EPX: variants seen among roughly 807,000 people sequenced by gnomAD.
The protein encoded by EPX is eosinophil peroxidase.
In EPX, 60 loss-of-function variants were observed where a neutral mutation model predicts 73.0. That is an observed-to-expected ratio of 0.82 (90% confidence interval 0.67 to 1.02). The LOEUF is 1.02. Ranked by LOEUF, EPX falls within the 50% of genes least tolerant of loss-of-function variation. The pLI, the probability that EPX is intolerant of heterozygous loss-of-function variation, is 0.00. For missense variants in EPX, 950 were observed against 973.9 expected, an observed-to-expected ratio of 0.98 and a Z score of 0.33; for synonymous variants, 347 against 389.2, an observed-to-expected ratio of 0.89 and a Z score of 1.28.
Position 58,199,167 on chromosome 17 carries a change from T to A in EPX, c.1248T>A (p.Asn416Lys). The part of the protein sequence containing the change: ...NPRWNGDKLY[N>K]EARKIMGAMV... ...GGTGGAATGGAGACAAACTGTACAA[T>A]GAGGCTCGGAAGATCATGGGGGCCA... is the stretch of plus-strand genomic sequence containing the variant. Residue 416 changes from asparagine to lysine, a missense_variant, in exon 8 of 13, where the codon AAT (asparagine) becomes AAA (lysine). Transcript: ENST00000225371. 1 of 1,613,990 alleles carries A rather than the reference T, an allele frequency of 6.2e-7. No homozygotes were observed. The highest frequency in any genetic ancestry group is 1.1e-5 in the South Asian group (1 of 91,066).
chr17:58,194,021 T>C lies in EPX; in HGVS notation c.523T>C (p.Tyr175His). Residue 175 changes from tyrosine (Y) to histidine (H), a missense_variant, in exon 5 of 13, where the codon TAT becomes CAT. Transcript: ENST00000225371. ...QALARWLPAE[Y>H]EDGLSLPFGW... ...TCTGGCTCGCTGGCTGCCCGCCGAG[T>C]ATGAGGATGGGCTGTCGCTCCCCTT... is the stretch of plus-strand genomic sequence containing the variant. 2 of 1,613,104 alleles carry C rather than the reference T, an allele frequency of 1.2e-6. No individual in the cohort carries two copies. The highest frequency in any genetic ancestry group is 1.3e-5 in the African/African-American group (1 of 74,996).
chr17:58,195,629 A>G (rs960251360), intron 6 of EPX, among the ~76,000 whole-genome samples: 3 of 152,166 alleles, frequency 2.0e-5, no homozygotes, highest in Non-Finnish European at 2.9e-5. Context: ...AGGGGAGGAA[A>G]GATAGAATCC....
At position 58,197,257 on chromosome 17, in the gene EPX, G is replaced by A; in HGVS notation, c.1120G>A (p.Gly374Ser). Reference protein sequence around the residue: ...RSARIPCFLAGDTRSTETPKL... With the variant: ...RSARIPCFLASDTRSTETPKL... ...GGCGCGCATCCCCTGCTTCCTGGCA[G>A]GTCAGACAGGGAGGAAGGTGGTGTC... Residue 374 changes from glycine to serine, a missense_variant and splice_region_variant, in exon 7 of 13, where the codon GGT becomes AGT. Coordinates refer to ENST00000225371, the MANE Select transcript of EPX (RefSeq NM_000502.6). The A allele has an allele frequency of 6.2e-7, 1 of 1,610,830 alleles. No homozygotes were observed. Among genetic ancestry groups the A allele is most frequent in the Non-Finnish European group, 8.5e-7 (1 of 1,180,014 alleles).
At position 58,195,066 on chromosome 17, in the gene EPX, C is replaced by G. The variant is rs1248155339; in HGVS notation, c.697C>G (p.His233Asp). ...CATGCAGTGGGGCCAGTTCATTGAC[C>G]ATGACCTGGACTTCTCCCCGGAGTC... is the stretch of plus-strand genomic sequence containing the variant. ...MFMQWGQFID[H>D]DLDFSPESPA... The change falls in exon 6 of 13, where the codon CAT becomes GAT. Residue 233 changes from histidine (H) to aspartate (D), a missense_variant. Physicochemically the swap from His to Asp is moderately conservative, Grantham distance 81. Coordinates refer to ENST00000225371, the MANE Select transcript of EPX (RefSeq NM_000502.6). 5.0e-6 allele frequency: 8 copies of G among 1,613,398 alleles called. No individual in the cohort carries two copies. Among genetic ancestry groups the G allele is most frequent in the African/African-American group, 1.3e-5 (1 of 74,910 alleles).
At chr17:58,200,730 C>T (rs536892440) in intron 10 of EPX, among the ~76,000 whole-genome samples, 1 of 152,308 alleles carries the variant, frequency 6.6e-6, no homozygotes, top group East Asian at 1.9e-4. Flanking sequence ...CCATTCCCAA[C>T]ACGCTGGCAA....
chr17:58,194,022 A>T lies in EPX; in HGVS notation c.524A>T (p.Tyr175Phe), dbSNP rs372501481. Residue 175 changes from tyrosine (Y) to phenylalanine (F), a missense_variant, in exon 5 of 13, where the codon TAT becomes TTT. Transcript: ENST00000225371. Reference protein sequence around the residue: ...QALARWLPAEYEDGLSLPFGW... With the variant: ...QALARWLPAEFEDGLSLPFGW... ...CTGGCTCGCTGGCTGCCCGCCGAGTATGAGGATGGGCTGTCGCTCCCCTTC... is the reference window on the plus strand; with the variant it reads ...CTGGCTCGCTGGCTGCCCGCCGAGTTTGAGGATGGGCTGTCGCTCCCCTTC... 1.2e-6 allele frequency: 2 copies of T among 1,613,306 alleles called. No individual in the cohort carries two copies. The highest frequency in any genetic ancestry group is 1.7e-5 in the Admixed American group (1 of 60,026).
chr17:58,203,927 G>A (rs1394547204), intron 11 of EPX, among the ~76,000 whole-genome samples: 4 of 59,942 alleles, frequency 6.7e-5, no homozygotes, highest in Non-Finnish European at 1.1e-4. Context: ...GCGAGACTCC[G>A]TCTCAAAAAA....
rs750636436 is a variant in EPX, at chr17:58,199,193, T to C, written c.1274T>C (p.Met425Thr). 10 of 1,613,996 alleles carry C rather than the reference T, an allele frequency of 6.2e-6. No individual in the cohort carries two copies. The highest frequency in any genetic ancestry group is 2.2e-5 in the South Asian group (2 of 91,070). Residue 425 changes from methionine to threonine, a missense_variant, in exon 8 of 13, where the codon ATG (methionine) becomes ACG (threonine). Coordinates refer to ENST00000225371, the MANE Select transcript of EPX (RefSeq NM_000502.6). ...YNEARKIMGA[M>T]VQIITYRDFL... ...GAGGCTCGGAAGATCATGGGGGCCA[T>C]GGTCCAGGTAAGGAGCTCTGCATCC...
Position 58,192,941 on chromosome 17 carries a change from G to A in EPX, c.76+19G>A, listed in dbSNP as rs1968196080. 6.2e-7 allele frequency: 1 copy of A among 1,612,304 alleles called. No homozygotes were observed. The highest frequency in any genetic ancestry group is 8.5e-7 in the Non-Finnish European group (1 of 1,178,422). On this transcript the variant is annotated intron_variant, in intron 1 of 12. Transcript: ENST00000225371. ...GACCCAGGTAATAGTCCCCTAGACA[G>A]GCAAGGAGGAGGGAGGGGAAATGGA...
chr17:58,198,259 A>C (rs1169866580), intron 7 of EPX, among the ~76,000 whole-genome samples: 1 of 152,218 alleles, frequency 6.6e-6, no homozygotes, highest in Non-Finnish European at 1.5e-5. Flanking sequence ...TGCGCCCAAG[A>C]GCACAGAGTT....
chr17:58,197,886 AGTG>A (rs1968284712), intron 7 of EPX, among the ~76,000 whole-genome samples: 3 of 152,124 alleles, frequency 2.0e-5, no homozygotes, highest in African/African-American at 7.2e-5. Flanking sequence ...CCCAGGCTGG[AGTG>A]CAGTGGCGTG....
At chr17:58,200,924 C>T (rs919687876) in intron 10 of EPX, among the ~76,000 whole-genome samples, 1 of 152,174 alleles carries the variant, frequency 6.6e-6, no homozygotes, top group Admixed American at 6.5e-5. Flanking sequence ...TTGTTAGTCA[C>T]TTTCATGTAT....
Position 58,204,389 on chromosome 17 carries a change from C to G in EPX, c.2114C>G (p.Pro705Arg). The change falls in exon 12 of 13, where the codon CCC (proline) becomes CGC (arginine). Residue 705 changes from proline to arginine, a missense_variant. Transcript: ENST00000225371. ...PRGFVNCSRI[P>R]RLNLSAWRGT ...GGCTTTGTGAACTGCAGCCGTATCC[C>G]CAGGTTGAACCTATCAGCCTGGCGA... 6.2e-7 allele frequency: 1 copy of G among 1,614,116 alleles called. No homozygotes were observed. Among genetic ancestry groups the G allele is most frequent in the African/African-American group, 1.3e-5 (1 of 75,044 alleles).
chr17:58,200,310 G>A lies in EPX; in HGVS notation c.1623G>A (p.Arg541=), dbSNP rs748258687. The part of the protein sequence containing the change: ...RQDAMLVDEL[R]DRLFRQVRRI... ...ATGCCATGTTAGTGGATGAGCTCCG[G>A]GACCGGCTGTTTCGGCAAGTGAGGA... Residue 541 remains arginine, a synonymous_variant, in exon 10 of 13, where the codon CGG becomes CGA. Coordinates refer to ENST00000225371, the MANE Select transcript of EPX (RefSeq NM_000502.6). The A allele has an allele frequency of 1.9e-6, 3 of 1,614,216 alleles. No individual in the cohort carries two copies. Among genetic ancestry groups the A allele is most frequent in the Non-Finnish European group, 2.5e-6 (3 of 1,180,030 alleles).
In EPX at chr17:58,193,722, A is replaced by G. The variant is rs1314621425; in HGVS notation, c.355A>G (p.Thr119Ala). ...CATTTGCCTTCCCACAGATGTGCTA[A>G]CAGAACCACAGCTGCGGCTGCTGTC... ...SGPFNVTDVL[T>A]EPQLRLLSQA... The change falls in exon 4 of 13, where the codon ACA (threonine) becomes GCA (alanine). Residue 119 changes from threonine to alanine, a missense_variant. Coordinates refer to ENST00000225371, the MANE Select transcript of EPX (RefSeq NM_000502.6). 2 of 1,611,434 alleles carry G rather than the reference A, an allele frequency of 1.2e-6. No homozygotes were observed. Among genetic ancestry groups the G allele is most frequent in the East Asian group, 2.2e-5 (1 of 44,860 alleles).
intron 1 of EPX, 49 bp downstream of exon 1, chr17:58,192,971 G>C (rs765432125): frequency 1.2e-6 from 2 of 1,600,782 alleles, no homozygotes; most frequent in Non-Finnish European, 1.7e-6. Flanking sequence ...AATGGAAGGG[G>C]AAGCACTTGG....
In EPX at chr17:58,193,840, G is replaced by C. The variant is rs148221455; in HGVS notation, c.464+9G>C. 5 of 1,606,894 alleles carry C rather than the reference G, an allele frequency of 3.1e-6. No individual in the cohort carries two copies. The highest frequency in any genetic ancestry group is 4.3e-6 in the Non-Finnish European group (5 of 1,173,736). On this transcript the variant is annotated intron_variant, in intron 4 of 12. Coordinates refer to ENST00000225371, the MANE Select transcript of EPX (RefSeq NM_000502.6). ...GGACGGTGCAACAACAAGTGCGTGC[G>C]GGGCGGCAGGAGGGGCTGCCCCTGC...
Position 58,193,088 on chromosome 17 carries a change from G to T in EPX, c.127G>T (p.Ala43Ser). The T allele has an allele frequency of 6.2e-7, 1 of 1,613,694 alleles. No homozygotes were observed. The highest frequency in any genetic ancestry group is 8.5e-7 in the Non-Finnish European group (1 of 1,179,562). ...TSVLRDCIAEAKLLVDAAYNW... is the reference protein window; with the variant it reads ...TSVLRDCIAESKLLVDAAYNW... The stretch of plus-strand genomic sequence containing the variant: ...GGTCCTGCGAGACTGCATAGCAGAG[G>T]CCAAGTTGCTGGTGGATGCTGCCTA... The change falls in exon 2 of 13, where the codon GCC (alanine) becomes TCC (serine). Residue 43 changes from alanine (A) to serine (S), a missense_variant. Ala to Ser is a moderately conservative substitution (Grantham distance 99, BLOSUM62 1). Coordinates refer to ENST00000225371, the MANE Select transcript of EPX (RefSeq NM_000502.6).
Position 58,192,745 on chromosome 17 carries a change from G to C in EPX, c.-102G>C. ...TCCAGAGAAGAGCTGGAGGAAGTGAGAGGTCGGCTGGGGGTCCTCAAAGTG... is the reference window on the plus strand; with the variant it reads ...TCCAGAGAAGAGCTGGAGGAAGTGACAGGTCGGCTGGGGGTCCTCAAAGTG... On this transcript the variant is annotated 5_prime_UTR_variant, in exon 1 of 13. Transcript: ENST00000225371. The C allele has an allele frequency of 1.0e-6, 1 of 966,194 alleles. No individual in the cohort carries two copies. Among genetic ancestry groups the C allele is most frequent in the South Asian group, 1.4e-5 (1 of 72,804 alleles). The allele number at this position is 966,194 out of a possible 1,614,324, so 59.9% of individuals were successfully genotyped here.
Sources: allele counts gnomAD v4.1 joint callset (sites outside exome capture counted in the v4.1 genomes callset), GRCh38; gene constraint gnomAD v4.1.1; transcripts MANE v1.5; gene names NCBI Gene and HGNC (gene_info 2026-07-23, HGNC 2026-07-21).